Variants in LIPA observed in about 807,000 individuals in gnomAD.
LIPA encodes lipase A, lysosomal acid type.
Under a neutral mutation model 40.6 loss-of-function variants are expected in LIPA, and 26 were observed. That is an observed-to-expected ratio of 0.64 (90% CI 0.47 to 0.89). The LOEUF is 0.89. Among genes scored for constraint, LIPA ranks in the 40% least tolerant of loss-of-function variants. LIPA has a pLI of 0.00. For synonymous variants in LIPA, 188 were observed against 168.4 expected, an observed-to-expected ratio of 1.12 and a Z score of -0.90; for missense variants, 455 against 479.6, an observed-to-expected ratio of 0.95 and a Z score of 0.48.
At chr10:89,321,963 G>C (rs561822158) in intron 1 of LIPA, among the ~76,000 whole-genome samples, 4 of 152,000 alleles carry the variant, frequency 2.6e-5, no homozygotes, top group African/African-American at 9.7e-5. Flanking sequence ...GCAAACTATC[G>C]CAAGGACAGA....
chr10:89,295,614 G>T (rs1051805665), intron 1 of LIPA, among the ~76,000 whole-genome samples: 25 of 152,240 alleles, frequency 1.6e-4, no homozygotes, highest in African/African-American at 6.0e-4. Context: ...AGCAATATGA[G>T]AATTATTGCA....
intron 1 of LIPA, among the ~76,000 whole-genome samples, chr10:89,331,154 TG>T (rs1843645762): frequency 6.6e-6 from 1 of 151,982 alleles, no homozygotes; most frequent in Non-Finnish European, 1.5e-5. Context: ...CAACTTCTCT[TG>T]TTGTTGTTGT....
chr10:89,303,451 T>C (rs1843458728), intron 1 of LIPA, among the ~76,000 whole-genome samples: 1 of 152,162 alleles, frequency 6.6e-6, no homozygotes, highest in Non-Finnish European at 1.5e-5. Context: ...AAGGAAGAAA[T>C]TGTTGTTGTT....
At chr10:89,291,234 C>T (rs7087326) in intron 1 of LIPA, among the ~76,000 whole-genome samples, 45,812 of 151,462 alleles carry the variant, frequency 0.3, 8,560 homozygotes, top group East Asian at 0.65. Flanking sequence ...TCTTCTTCCT[C>T]ATTTTTTCCC....
Position 89,274,914 on chromosome 10 carries a change from C to A in LIPA, c.-1-27265G>T, listed in dbSNP as rs370435494. On this transcript the variant is annotated intron_variant, in intron 1 of 5. Transcript: ENST00000282673. ...GGTGCTATGACTTCTGCCATCATTG[C>A]AGAAGTCAAGAATGCATTTTATTCT... Among the ~76,000 whole-genome samples, 8 of 152,278 alleles carry A rather than the reference C, an allele frequency of 5.3e-5. No homozygotes were observed. In the East Asian group the frequency reaches 1.5e-3, roughly 29 times the overall value.
At chr10:89,340,250 A>G in intron 1 of LIPA, 1 of 1,069,298 alleles carries the variant, frequency 9.4e-7, no homozygotes, top group Non-Finnish European at 1.3e-6. Flanking sequence ...TGTTGCTCTA[A>G]GGTACATTTT....
At chr10:89,351,009 C>T (rs1041766848) in intron 2 of LIPA, among the ~76,000 whole-genome samples, 7 of 152,192 alleles carry the variant, frequency 4.6e-5, no homozygotes, top group East Asian at 3.9e-4. Context: ...GAACCTAAGA[C>T]GGGAAGAGGA....
intron 1 of LIPA, among the ~76,000 whole-genome samples, chr10:89,321,381 C>T (rs530851109): frequency 2.0e-5 from 3 of 152,116 alleles, no homozygotes; most frequent in Admixed American, 1.3e-4. Context: ...AGAAAAAAAT[C>T]AAACAACCCC....
At position 89,234,583 on chromosome 10, in the gene LIPA, C is replaced by T. The variant is rs928362298; in HGVS notation, c.230-6185G>A. Among the ~76,000 whole-genome samples the T allele has an allele frequency of 3.3e-5, 5 of 152,218 alleles. No homozygotes were observed. In the South Asian group the frequency reaches 8.3e-4, roughly 25 times the overall value. ...ACAAAAGGGAATGGAAAAGACTGGA[C>T]GCTGGAAGCAGGCCCAGCCAACTGT... On this transcript the variant is annotated intron_variant, in intron 3 of 9. Transcript: ENST00000336233.
At chr10:89,334,649 C>T (rs534866365) in intron 1 of LIPA, among the ~76,000 whole-genome samples, 38 of 151,824 alleles carry the variant, frequency 2.5e-4, no homozygotes, top group Admixed American at 2.2e-3. Flanking sequence ...CCTGCCACCA[C>T]GCCCGGCTAA....
intron 1 of LIPA, among the ~76,000 whole-genome samples, chr10:89,297,649 T>C (rs1843423000): frequency 6.6e-6 from 1 of 152,226 alleles, no homozygotes; most frequent in African/African-American, 2.4e-5. Flanking sequence ...AGCCTCCTGT[T>C]TGGGGCTGTG....
intron 8 of LIPA, among the ~76,000 whole-genome samples, chr10:89,220,287 C>T (rs1365630456): frequency 6.6e-6 from 1 of 152,126 alleles, no homozygotes. Flanking sequence ...GGATCTGCCT[C>T]CAGCCAGCTC....
chr10:89,354,012 T>A (rs1057035727), intron 2 of LIPA, among the ~76,000 whole-genome samples: 4 of 152,208 alleles, frequency 2.6e-5, no homozygotes, highest in Admixed American at 2.6e-4. Flanking sequence ...AACTTTTTAA[T>A]AAACTTTCTC....
intron 1 of LIPA, among the ~76,000 whole-genome samples, chr10:89,305,742 G>T (rs1481980973): frequency 2.0e-5 from 3 of 152,090 alleles, no homozygotes; most frequent in African/African-American, 7.2e-5. Flanking sequence ...ACAACCCACT[G>T]CCCTCGCCCT....
chr10:89,324,358 A>C (rs957034080), intron 1 of LIPA, among the ~76,000 whole-genome samples: 4 of 152,190 alleles, frequency 2.6e-5, no homozygotes, highest in African/African-American at 9.6e-5. Context: ...CCTTCCTTAC[A>C]TCATATATGG....
At position 89,215,055 on chromosome 10, in the gene LIPA, G is replaced by A. The variant is rs1842607082; in HGVS notation, c.973C>T (p.Pro325Ser). 6.2e-7 allele frequency: 1 copy of A among 1,609,200 alleles called. No homozygotes were observed. Among genetic ancestry groups the A allele is most frequent in the Non-Finnish European group, 8.5e-7 (1 of 1,175,532 alleles). ...KNYFHYNQSYPPTYNVKDMLV... is the reference protein window; with the variant it reads ...KNYFHYNQSYSPTYNVKDMLV... Reference sequence around the variant, plus strand: ...ATGTCCTTCACATTGTATGTGGGAGGATAACTCTACAATGAAAAGGAACCA... The same window carrying A: ...ATGTCCTTCACATTGTATGTGGGAGAATAACTCTACAATGAAAAGGAACCA... The change falls in exon 10 of 10, where the codon CCT (proline) becomes TCT (serine). Residue 325 changes from proline to serine, a missense_variant. By Grantham distance (74) the Pro-to-Ser change is moderately conservative. Coordinates refer to ENST00000336233, the MANE Select transcript of LIPA (RefSeq NM_000235.4).
At chr10:89,217,135 G>A (rs1399968943) in intron 8 of LIPA, among the ~76,000 whole-genome samples, 1 of 152,182 alleles carries the variant, frequency 6.6e-6, no homozygotes, top group East Asian at 1.9e-4. Flanking sequence ...CAAGCCAAAT[G>A]AATTTGAAAT....
chr10:89,261,536 T>A (rs1271160654), intron 1 of LIPA, among the ~76,000 whole-genome samples: 5 of 151,852 alleles, frequency 3.3e-5, no homozygotes, highest in Non-Finnish European at 7.4e-5. Context: ...AAAATTAAAA[T>A]TTAAAAAATC....
chr10:89,357,319 T>A (rs543225300), intron 2 of LIPA, among the ~76,000 whole-genome samples: 114 of 152,320 alleles, frequency 7.5e-4, no homozygotes, highest in Middle Eastern at 3.4e-3. Context: ...AGGACAAACC[T>A]GAGGAGCCTC....
Sources: gnomAD v4.1 joint callset for allele counts (sites outside exome capture counted in the v4.1 genomes callset) on GRCh38, gnomAD v4.1.1 for gene constraint, MANE v1.5 for transcripts, NCBI Gene and HGNC (gene_info 2026-07-23, HGNC 2026-07-21) for gene names.